FNDC8: variants seen among roughly 807,000 people sequenced by gnomAD.
FNDC8 encodes the protein fibronectin type III domain-containing protein 8.
In FNDC8, 23 loss-of-function variants were observed where a neutral mutation model predicts 24.8. The ratio of observed to expected loss-of-function variants is 0.93; its 90% CI spans 0.67 to 1.31. The LOEUF (loss-of-function observed/expected upper bound fraction) is 1.31. FNDC8 is among the 40% of genes most tolerant of loss of function. FNDC8 has a pLI of 0.00. For synonymous variants in FNDC8, 158 were observed against 165.3 expected, an observed-to-expected ratio of 0.96 and a Z score of 0.34; for missense variants, 371 against 398.2, an observed-to-expected ratio of 0.93 and a Z score of 0.58.
rs539509973 is a variant in FNDC8 at position 35,127,752 on chromosome 17, C to T, written c.585+335C>T. Among the ~76,000 whole-genome samples the T allele has an allele frequency of 1.4e-4, 21 of 152,258 alleles. No individual in the cohort carries two copies. In the South Asian group the frequency reaches 3.1e-3, roughly 23 times the overall value. Reference sequence around the variant, plus strand: ...AGGAGGGAGGCATTCCCTGGAGGGGCGGACCCTAGCAAAAGCTCACAGGAA... The same window carrying T: ...AGGAGGGAGGCATTCCCTGGAGGGGTGGACCCTAGCAAAAGCTCACAGGAA... On this transcript the variant is annotated intron_variant, in intron 2 of 3. Transcript: ENST00000158009.
chr17:35,130,507 G>A lies in FNDC8; in HGVS notation c.*73G>A. ...AGGCCCTCAGAAACCAGAGCCATGA[G>A]ACCTACCATACCACCAGCACCCTGC... On this transcript the variant is annotated 3_prime_UTR_variant, in exon 4 of 4. Coordinates refer to ENST00000158009, the MANE Select transcript of FNDC8 (RefSeq NM_017559.4). 1 of 1,493,098 alleles carries A rather than the reference G, an allele frequency of 6.7e-7. No homozygotes were observed. Among genetic ancestry groups the A allele is most frequent in the South Asian group, 1.2e-5 (1 of 82,448 alleles). 92.5% of individuals were successfully genotyped at this position (1,493,098 alleles called of 1,614,324 possible). A position where few individuals can be genotyped will look rare whatever the true frequency, so the allele number is the denominator to read the frequency against.
In FNDC8 at chr17:35,129,646, C is replaced by T. The variant is rs1446423311; in HGVS notation, c.810C>T (p.Cys270=). The T allele has an allele frequency of 6.2e-7, 1 of 1,613,720 alleles. No individual in the cohort carries two copies. The highest frequency in any genetic ancestry group is 8.5e-7 in the Non-Finnish European group (1 of 1,179,918). ...AANTAGVGKW[C]KPYKFATLAT... is the part of the protein sequence containing the mutation. Reference sequence around the variant, plus strand: ...ACACAGCTGGGGTGGGGAAGTGGTGCAAGCCCTACAAAGTGAGCCCTGGGA... The same window carrying T: ...ACACAGCTGGGGTGGGGAAGTGGTGTAAGCCCTACAAAGTGAGCCCTGGGA... Residue 270 remains cysteine, a synonymous_variant, in exon 3 of 4, where the codon TGC becomes TGT. Transcript: ENST00000158009.
At chr17:35,126,948 G>T in intron 1 of FNDC8, 94 bp from the exon 2 acceptor site, 1 of 1,463,528 alleles carries the variant, frequency 6.8e-7, no homozygotes, top group Non-Finnish European at 9.2e-7. Context: ...AATGGCTGGG[G>T]ATGCTGGTAA....
Position 35,130,371 on chromosome 17 carries a change from C to G in FNDC8, c.912C>G (p.Ile304Met), listed in dbSNP as rs149380490. 1 of 1,614,110 alleles carries G rather than the reference C, an allele frequency of 6.2e-7. No homozygotes were observed. Residue 304 changes from isoleucine (I) to methionine (M), a missense_variant, in exon 4 of 4, where the codon ATC becomes ATG. By Grantham distance (10) the Ile-to-Met change is conservative. Transcript: ENST00000158009. ...TVRRKEPRQK[I>M]VSIGPEEMRR... The stretch of plus-strand genomic sequence containing the variant: ...GGCGCAAGGAACCCCGGCAAAAGAT[C>G]GTGTCCATCGGGCCGGAGGAGATGC...
rs559114819 is a variant in FNDC8 at position 35,125,705 on chromosome 17, G to T, written c.210-1337G>T. Among the ~76,000 whole-genome samples, 4 of 152,302 alleles carry T rather than the reference G, an allele frequency of 2.6e-5. No individual in the cohort carries two copies. The South Asian group carries it at 6.2e-4, about 24-fold the overall frequency. ...TTAAACTTTACTGTACTCATTACTT[G>T]TCGGTCGAAGGATGGGGACTTTGGT... On this transcript the variant is annotated intron_variant, in intron 1 of 3. Coordinates refer to ENST00000158009, the MANE Select transcript of FNDC8 (RefSeq NM_017559.4).
rs1460808091 is a variant in FNDC8, at chr17:35,121,763, A to G, written c.70A>G (p.Met24Val). The stretch of plus-strand genomic sequence containing the variant: ...TGTACTGAAGAAAGAAAACTTCAAC[A>G]TGATGAATGCCCTTGACCAACTGCC... The part of the protein sequence containing the change: ...EAVLKKENFN[M>V]MNALDQLPKP... The change falls in exon 1 of 4, where the codon ATG (methionine) becomes GTG (valine). Residue 24 changes from methionine to valine, a missense_variant. Physicochemically the swap from Met to Val is conservative, Grantham distance 21 (BLOSUM62 1). Transcript: ENST00000158009. The G allele has an allele frequency of 5.0e-6, 8 of 1,613,674 alleles. No individual in the cohort carries two copies. The highest frequency in any genetic ancestry group is 6.8e-6 in the Non-Finnish European group (8 of 1,179,828).
chr17:35,130,118 G>T (rs911218829), intron 3 of FNDC8, 164 bp from the exon 4 acceptor site: 1 of 1,439,508 alleles, frequency 6.9e-7, no homozygotes, highest in Non-Finnish European at 9.1e-7. Context: ...GTACAGGCTT[G>T]AGTCATGCAT....
rs2091861715 is a variant in FNDC8 at position 35,129,242 on chromosome 17, T to C, written c.586-180T>C. 6.7e-6 allele frequency: 5 copies of C among 750,330 alleles called. No homozygotes were observed. In the Admixed American group the frequency reaches 1.2e-4, roughly 18 times the overall value. 46.5% of individuals were successfully genotyped at this position (750,330 alleles called of 1,614,324 possible). On this transcript the variant is annotated intron_variant, in intron 2 of 3. Coordinates refer to ENST00000158009, the MANE Select transcript of FNDC8 (RefSeq NM_017559.4). ...TGGGGCTGCCCAGGAGAGTAGTACA[T>C]GCTTCGGGGCAGGGGTTCCACACTC...
At chr17:35,127,476 G>A in intron 2 of FNDC8, 59 bp downstream of exon 2, 11 of 1,487,870 alleles carry the variant, frequency 7.4e-6, no homozygotes, top group Non-Finnish European at 9.8e-6. Context: ...ACTGAGCTGA[G>A]CTCCATGGGT....
Position 35,126,138 on chromosome 17 carries a change from T to G in FNDC8, c.210-904T>G, listed in dbSNP as rs1178098300. Among the ~76,000 whole-genome samples the G allele has an allele frequency of 2.0e-5, 3 of 152,112 alleles. No individual in the cohort carries two copies. In the East Asian group the frequency reaches 5.8e-4, roughly 29 times the overall value. ...GGTTTCGCTATGTTGGCCAGGCTGG[T>G]CTTGAACTCCTGACGTCAGGTAATA... On this transcript the variant is annotated intron_variant, in intron 1 of 3. Transcript: ENST00000158009.
intron 3 of FNDC8, 170 bp downstream of exon 3, chr17:35,129,828 A>C: frequency 7.0e-7 from 1 of 1,434,688 alleles, no homozygotes; most frequent in South Asian, 1.5e-5. Flanking sequence ...TGGGAGGTTT[A>C]AGGATTAAGC....
chr17:35,122,312 G>A (rs1288972282), intron 1 of FNDC8, among the ~76,000 whole-genome samples: 1 of 149,750 alleles, frequency 6.7e-6, no homozygotes, highest in African/African-American at 2.5e-5. Context: ...ACAGTGTTGG[G>A]ATTATAGGCT....
At chr17:35,129,995 A>C in intron 3 of FNDC8, 1 of 1,377,434 alleles carries the variant, frequency 7.3e-7, no homozygotes, top group Non-Finnish European at 9.4e-7. Context: ...AGGGAAGACA[A>C]GAGGCTAAAG....
chr17:35,129,816 T>G, intron 3 of FNDC8, 158 bp downstream of exon 3: 1 of 1,439,156 alleles, frequency 6.9e-7, no homozygotes, highest in African/African-American at 1.4e-5. Context: ...AATGCATGCT[T>G]CTGGGAGGTT....
At chr17:35,129,074 A>C in intron 2 of FNDC8, 1 of 230,718 alleles carries the variant, frequency 4.3e-6, no homozygotes, top group Non-Finnish European at 8.7e-6. Flanking sequence ...ATACAGATGA[A>C]GCTTCGCTTG....
At chr17:35,123,765 A>C (rs115677490) in intron 1 of FNDC8, among the ~76,000 whole-genome samples, 1,738 of 152,088 alleles carry the variant, frequency 0.011, 24 homozygotes, top group African/African-American at 0.031. Flanking sequence ...CAAAACAAAA[A>C]AAAAAACAGA....
At chr17:35,126,859 A>C (rs2091851141) in intron 1 of FNDC8, among the ~76,000 whole-genome samples, 183 bp from the exon 2 acceptor site, 1 of 152,204 alleles carries the variant, frequency 6.6e-6, no homozygotes, top group Non-Finnish European at 1.5e-5. Context: ...CAGGGACTAA[A>C]AGTCTGCATT....
rs550084076 is a variant in FNDC8, at chr17:35,128,120, G to C, written c.585+703G>C. Among the ~76,000 whole-genome samples, 4 of 152,352 alleles carry C rather than the reference G, an allele frequency of 2.6e-5. No individual in the cohort carries two copies. The South Asian group carries it at 6.2e-4, about 24-fold the overall frequency. ...ACTTTTCTGTAAGTAATAGGGAACA[G>C]CTTTGTAAAAAGCTTCACATCAGAT... On this transcript the variant is annotated intron_variant, in intron 2 of 3. Transcript: ENST00000158009.
In FNDC8 at chr17:35,129,432, C is replaced by G. The variant is rs759503360; in HGVS notation, c.596C>G (p.Thr199Ser). Reference protein sequence around the residue: ...VNNSTAVISWTYALGKQPVSF... With the variant: ...VNNSTAVISWSYALGKQPVSF... ...TCTCTCTTCCCCTAGATTTCCTGGA[C>G]CTACGCCTTGGGCAAGCAGCCGGTC... Residue 199 changes from threonine (T) to serine (S), a missense_variant, in exon 3 of 4, where the codon ACC (threonine) becomes AGC (serine). Physicochemically the swap from Thr to Ser is moderately conservative, Grantham distance 58. Transcript: ENST00000158009. 1 of 1,613,884 alleles carries G rather than the reference C, an allele frequency of 6.2e-7. No homozygotes were observed. Among genetic ancestry groups the G allele is most frequent in the Non-Finnish European group, 8.5e-7 (1 of 1,179,780 alleles).
Sources: gnomAD v4.1 joint callset for allele counts (sites outside exome capture counted in the v4.1 genomes callset) on GRCh38, gnomAD v4.1.1 for gene constraint, MANE v1.5 for transcripts, NCBI Gene and HGNC (gene_info 2026-07-23, HGNC 2026-07-21) for gene names.